The following ROBO1 variants were observed in gnomAD, a reference collection of about 807,000 sequenced individuals.
The protein encoded by ROBO1 is roundabout homolog 1.
ROBO1 carries 149 observed loss-of-function variants against 195.9 expected under a neutral mutation model. The observed-to-expected ratio is 0.76, with a 90% CI of 0.67 to 0.87. The LOEUF (loss-of-function observed/expected upper bound fraction) is 0.87, where lower values mean the gene tolerates loss of function less well. Ranked by LOEUF, ROBO1 falls within the 40% of genes least tolerant of loss-of-function variation. ROBO1 has a pLI of 0.00. For synonymous variants in ROBO1, 816 were observed against 733.2 expected (o/e 1.11, Z -1.82); for missense variants, 1,933 against 2,068.3 (o/e 0.93, Z 1.27).
intron 4 of ROBO1, among the ~76,000 whole-genome samples, chr3:78,922,870 T>G (rs981212313): frequency 6.6e-6 from 1 of 152,094 alleles, no homozygotes; most frequent in Non-Finnish European, 1.5e-5. Context: ...AGTGCTGGCA[T>G]TACAGGTGTG....
intron 2 of ROBO1, among the ~76,000 whole-genome samples, chr3:79,513,847 C>T (rs1282237801): frequency 2.0e-5 from 3 of 152,116 alleles, no homozygotes. Context: ...TTCAATACTG[C>T]TCTGGCAAAA....
intron 2 of ROBO1, among the ~76,000 whole-genome samples, chr3:79,300,059 GGCA>G (rs2032822592): frequency 6.6e-6 from 1 of 152,216 alleles, no homozygotes; most frequent in South Asian, 2.1e-4. Context: ...ACAGCGTGCT[GGCA>G]GCCCTCAGCC....
At chr3:78,776,628 T>A (rs1025997636) in intron 4 of ROBO1, among the ~76,000 whole-genome samples, 63 of 152,350 alleles carry the variant, frequency 4.1e-4, no homozygotes, top group African/African-American at 1.5e-3. Context: ...CAAATAAATC[T>A]TTCATTATTA....
intron 10 of ROBO1, among the ~76,000 whole-genome samples, chr3:78,682,486 T>C (rs1243796248): frequency 1.5e-5 from 2 of 134,568 alleles, no homozygotes; most frequent in Non-Finnish European, 3.2e-5. Context: ...TGTGTATATA[T>C]GTGTATATGT....
chr3:79,054,376 A>G (rs2078762854), intron 3 of ROBO1, among the ~76,000 whole-genome samples: 1 of 152,106 alleles, frequency 6.6e-6, no homozygotes, highest in Non-Finnish European at 1.5e-5. Flanking sequence ...TTTGTCTCTG[A>G]TGAGAGTGCT....
At chr3:79,455,799 T>C (rs2039601058) in intron 2 of ROBO1, among the ~76,000 whole-genome samples, 2 of 152,156 alleles carry the variant, frequency 1.3e-5, no homozygotes, top group Admixed American at 6.5e-5. Context: ...GTTGTAATTA[T>C]TAAAAAAGAA....
At chr3:79,391,881 G>T (rs2036964172) in intron 2 of ROBO1, among the ~76,000 whole-genome samples, 1 of 152,120 alleles carries the variant, frequency 6.6e-6, no homozygotes, top group Admixed American at 6.6e-5. Flanking sequence ...ACAGTCAAAT[G>T]AACTATAGTT....
At chr3:78,971,744 TTTTTTGTTG>T (rs898272343) in intron 3 of ROBO1, among the ~76,000 whole-genome samples, 1 of 151,306 alleles carries the variant, frequency 6.6e-6, no homozygotes, top group African/African-American at 2.4e-5. Flanking sequence ...TTTAAATATT[TTTTTTGTTG>T]TTGTTGTTGT....
chr3:79,083,335 T>G (rs2079310016), intron 3 of ROBO1, among the ~76,000 whole-genome samples: 1 of 152,164 alleles, frequency 6.6e-6, no homozygotes, highest in East Asian at 1.9e-4. Flanking sequence ...TATTAAATAT[T>G]TTGATATTAT....
At chr3:78,839,552 T>C (rs1280224437) in intron 4 of ROBO1, among the ~76,000 whole-genome samples, 3 of 151,860 alleles carry the variant, frequency 2.0e-5, no homozygotes, top group South Asian at 2.1e-4. Flanking sequence ...AAAAGACAAA[T>C]AGTAATATTC....
At chr3:78,760,833 G>A (rs1009035348) in intron 4 of ROBO1, among the ~76,000 whole-genome samples, 2 of 151,940 alleles carry the variant, frequency 1.3e-5, no homozygotes, top group African/African-American at 4.8e-5. Context: ...TAGAGAGGGG[G>A]GTCTAACTTT....
intron 3 of ROBO1, among the ~76,000 whole-genome samples, chr3:79,107,701 C>T (rs1392039953): frequency 6.6e-6 from 1 of 151,544 alleles, no homozygotes; most frequent in Non-Finnish European, 1.5e-5. Context: ...ATCAGTAAAA[C>T]TCTCAATACA....
At chr3:79,005,704 G>C (rs764835306) in intron 3 of ROBO1, among the ~76,000 whole-genome samples, 1 of 152,084 alleles carries the variant, frequency 6.6e-6, no homozygotes, top group Non-Finnish European at 1.5e-5. Flanking sequence ...CTTGAAAACT[G>C]TGCACAAATC....
intron 2 of ROBO1, among the ~76,000 whole-genome samples, chr3:79,328,692 T>C (rs774784372): frequency 6.6e-6 from 1 of 152,100 alleles, no homozygotes; most frequent in African/African-American, 2.4e-5. Flanking sequence ...AGTTCTTTAG[T>C]GGTAATTTCT....
intron 1 of ROBO1, among the ~76,000 whole-genome samples, chr3:79,756,353 C>T (rs1017819429): frequency 5.3e-5 from 8 of 151,924 alleles, no homozygotes; most frequent in African/African-American, 1.9e-4. Flanking sequence ...AGTTCGAGAT[C>T]AGCCTGAACA....
At chr3:79,168,913 G>A (rs1485650085) in intron 2 of ROBO1, among the ~76,000 whole-genome samples, 2 of 152,136 alleles carry the variant, frequency 1.3e-5, no homozygotes, top group Non-Finnish European at 2.9e-5. Flanking sequence ...AATCCTAAAT[G>A]AGAAAGTGAC....
intron 2 of ROBO1, among the ~76,000 whole-genome samples, chr3:79,522,307 C>A (rs1318754429): frequency 1.3e-5 from 2 of 149,914 alleles, no homozygotes; most frequent in African/African-American, 5.0e-5. Flanking sequence ...TCTTTTATAC[C>A]ACTGTCTTTC....
intron 4 of ROBO1, among the ~76,000 whole-genome samples, chr3:78,841,515 C>A (rs528259662): frequency 6.6e-6 from 1 of 152,092 alleles, no homozygotes. Context: ...ACAATTGACT[C>A]GACCCAGTTA....
intron 1 of ROBO1, among the ~76,000 whole-genome samples, chr3:79,705,798 C>T (rs892759060): frequency 5.3e-5 from 8 of 152,076 alleles, no homozygotes; most frequent in African/African-American, 1.9e-4. Context: ...ATCGAGTCTT[C>T]ATATTCATTA....
Sources: allele counts gnomAD v4.1 joint callset (sites outside exome capture counted in the v4.1 genomes callset), GRCh38; gene constraint gnomAD v4.1.1; transcripts MANE v1.5; gene names NCBI Gene and HGNC (gene_info 2026-07-23, HGNC 2026-07-21).